ADGRL3: variants seen among roughly 807,000 people sequenced by gnomAD.
ADGRL3 encodes calcium-independent alpha-latrotoxin receptor 3.
A neutral mutation model predicts 153.5 loss-of-function variants in ADGRL3; 62 were observed. That is an observed-to-expected ratio of 0.40 (90% CI 0.33 to 0.50). ADGRL3 has a LOEUF of 0.50. ADGRL3 is among the 20% of genes least tolerant of loss of function. The pLI, the probability that ADGRL3 is intolerant of heterozygous loss-of-function variation, is 0.47. For missense variants in ADGRL3, 1,641 were observed against 1,859.4 expected (o/e 0.88, Z 2.16); for synonymous variants, 710 against 672.5 (o/e 1.06, Z -0.86).
At chr4:61,792,410 T>A (rs1014696160) in intron 8 of ADGRL3, among the ~76,000 whole-genome samples, 1 of 151,508 alleles carries the variant, frequency 6.6e-6, no homozygotes, top group African/African-American at 2.4e-5. Flanking sequence ...CATATCACTA[T>A]CAACATTTTT....
At chr4:61,813,067 C>T (rs7690254) in intron 8 of ADGRL3, among the ~76,000 whole-genome samples, 24,190 of 152,070 alleles carry the variant, frequency 0.16, 2,106 homozygotes, top group African/African-American at 0.24. Flanking sequence ...CTGATCTGCA[C>T]TGAGGTAGGT....
At chr4:61,492,146 A>G (rs534813433) in intron 2 of ADGRL3, among the ~76,000 whole-genome samples, 2 of 152,322 alleles carry the variant, frequency 1.3e-5, no homozygotes, top group East Asian at 1.9e-4. Flanking sequence ...GGCATTTTTT[A>G]TATTTCGTAT....
chr4:61,990,559 T>C (rs1248401380), intron 19 of ADGRL3, among the ~76,000 whole-genome samples: 1 of 152,042 alleles, frequency 6.6e-6, no homozygotes, highest in Non-Finnish European at 1.5e-5. Flanking sequence ...ATTTATGATA[T>C]ATAAATCATA....
chr4:61,789,207 A>C (rs1418186853), intron 8 of ADGRL3, among the ~76,000 whole-genome samples: 1 of 152,088 alleles, frequency 6.6e-6, no homozygotes, highest in Non-Finnish European at 1.5e-5. Flanking sequence ...GTACGTATTT[A>C]TTTACCAAAT....
chr4:61,456,847 T>C (rs1208059483), intron 2 of ADGRL3, among the ~76,000 whole-genome samples: 1 of 152,006 alleles, frequency 6.6e-6, no homozygotes, highest in Non-Finnish European at 1.5e-5. Flanking sequence ...ATTGTATACA[T>C]CAATTTTTAT....
At chr4:61,594,820 G>A (rs2098982575) in intron 5 of ADGRL3, among the ~76,000 whole-genome samples, 1 of 152,158 alleles carries the variant, frequency 6.6e-6, no homozygotes, top group African/African-American at 2.4e-5. Context: ...AAGGACTGGA[G>A]TCAAAAACCT....
chr4:61,824,104 T>C lies in ADGRL3; in HGVS notation c.1480+10215T>C, dbSNP rs146400946. Among the ~76,000 whole-genome samples, 4 of 151,864 alleles carry C rather than the reference T, an allele frequency of 2.6e-5. No individual in the cohort carries two copies. The East Asian group carries it at 7.8e-4, about 29-fold the overall frequency. ...TTAATGAAACATTATCAGCAAGGAG[T>C]GGGAGGATCTGACTATCCATAGTAT... On this transcript the variant is annotated intron_variant, in intron 9 of 26. Coordinates refer to ENST00000683033, the MANE Select transcript of ADGRL3 (RefSeq NM_001387552.1).
intron 1 of ADGRL3, among the ~76,000 whole-genome samples, chr4:61,224,758 T>C (rs11131311): frequency 0.096 from 14,591 of 152,206 alleles, 1,253 homozygotes; most frequent in East Asian, 0.48. Flanking sequence ...CAGAAATCCT[T>C]GGCAGGACCC....
chr4:62,069,123 C>A (rs1744528029), intron 26 of ADGRL3, among the ~76,000 whole-genome samples: 1 of 151,884 alleles, frequency 6.6e-6, no homozygotes, highest in Non-Finnish European at 1.5e-5. Context: ...TTTTTCTGTT[C>A]ATTCAATGGA....
At chr4:61,498,287 A>G (rs2098342980) in intron 3 of ADGRL3, among the ~76,000 whole-genome samples, 1 of 152,198 alleles carries the variant, frequency 6.6e-6, no homozygotes, top group Admixed American at 6.5e-5. Context: ...ACCATGGTTC[A>G]CACCTGTAAC....
chr4:61,668,195 G>A (rs1201920554), intron 5 of ADGRL3, among the ~76,000 whole-genome samples: 1 of 152,194 alleles, frequency 6.6e-6, no homozygotes, highest in Non-Finnish European at 1.5e-5. Flanking sequence ...TTAGAAGAGG[G>A]AAAATGTGAT....
intron 5 of ADGRL3, among the ~76,000 whole-genome samples, chr4:61,666,924 A>G (rs976777856): frequency 2.0e-5 from 3 of 152,190 alleles, no homozygotes; most frequent in Non-Finnish European, 4.4e-5. Context: ...TTATCTGCCT[A>G]TTGATAAAGC....
At chr4:61,906,342 A>G (rs1408562826) in intron 11 of ADGRL3, 1 of 152,150 alleles carries the variant, frequency 6.6e-6, no homozygotes, top group Non-Finnish European at 1.5e-5. Flanking sequence ...GATTATCAAA[A>G]TTTATTAACA....
At chr4:61,870,918 A>G (rs2098439929) in intron 9 of ADGRL3, among the ~76,000 whole-genome samples, 2 of 152,192 alleles carry the variant, frequency 1.3e-5, no homozygotes, top group South Asian at 4.1e-4. Flanking sequence ...GCATTACCAG[A>G]TGACCCAGCA....
intron 6 of ADGRL3, among the ~76,000 whole-genome samples, chr4:61,682,026 G>A (rs1244659607): frequency 6.6e-6 from 1 of 151,898 alleles, no homozygotes; most frequent in African/African-American, 2.4e-5. Context: ...TGCATTCATT[G>A]CTAGAATGAT....
At chr4:61,834,377 G>A (rs2097909852) in intron 9 of ADGRL3, among the ~76,000 whole-genome samples, 1 of 152,016 alleles carries the variant, frequency 6.6e-6, no homozygotes, top group South Asian at 2.1e-4. Context: ...CATTTGGGTT[G>A]GTTCCAAGTC....
intron 20 of ADGRL3, 29 bp from the exon 21 acceptor site, chr4:61,998,145 G>A (rs1368932252): frequency 3.2e-6 from 4 of 1,251,844 alleles, no homozygotes; most frequent in Non-Finnish European, 3.3e-6. Context: ...CTCCAATTAT[G>A]CTACATAACA....
At chr4:61,413,447 C>A (rs2097110714) in intron 2 of ADGRL3, among the ~76,000 whole-genome samples, 1 of 152,012 alleles carries the variant, frequency 6.6e-6, no homozygotes, top group South Asian at 2.1e-4. Context: ...CCCCACTAGC[C>A]CTGCCTAACA....
At chr4:61,256,667 C>T (rs149553449) in intron 1 of ADGRL3, among the ~76,000 whole-genome samples, 67 of 152,108 alleles carry the variant, frequency 4.4e-4, no homozygotes, top group Middle Eastern at 6.8e-3. Flanking sequence ...TTTTGCCTTA[C>T]GAATGATTCG....
Sources: gnomAD v4.1 joint callset for allele counts (sites outside exome capture counted in the v4.1 genomes callset) on GRCh38, gnomAD v4.1.1 for gene constraint, MANE v1.5 for transcripts, NCBI Gene and HGNC (gene_info 2026-07-23, HGNC 2026-07-21) for gene names.